FNBP1L: variants seen among roughly 807,000 people sequenced by gnomAD.
FNBP1L encodes the protein formin-binding protein 1-like.
A neutral mutation model predicts 91.2 loss-of-function variants in FNBP1L; 36 were observed. The observed-to-expected ratio is 0.39, with a 90% CI of 0.30 to 0.52. The LOEUF is 0.52. FNBP1L is among the 20% of genes least tolerant of loss of function. The probability of loss-of-function intolerance (pLI) is 0.66; values close to 1 mark genes in which losing one functional copy is unlikely to be tolerated. For missense variants in FNBP1L, 571 were observed against 732.1 expected (o/e 0.78, Z 2.54); for synonymous variants, 242 against 237.0 (o/e 1.02, Z -0.19).
At chr1:93,500,873 T>G (rs1331140378) in intron 2 of FNBP1L, among the ~76,000 whole-genome samples, 2 of 152,208 alleles carry the variant, frequency 1.3e-5, no homozygotes, top group Admixed American at 6.5e-5. Context: ...TCCTAATCCG[T>G]TTCCCTCCTG....
intron 10 of FNBP1L, among the ~76,000 whole-genome samples, chr1:93,540,174 A>C (rs1378560944): frequency 6.6e-6 from 1 of 152,062 alleles, no homozygotes; most frequent in Non-Finnish European, 1.5e-5. Context: ...AAATCCATAT[A>C]CATATCTATA....
chr1:93,482,826 T>C (rs1234272314), intron 1 of FNBP1L, among the ~76,000 whole-genome samples: 2 of 151,986 alleles, frequency 1.3e-5, no homozygotes, highest in South Asian at 2.1e-4. Flanking sequence ...GAGACCATCC[T>C]GACTAACACG....
At chr1:93,544,041 C>T (rs1312280305) in intron 11 of FNBP1L, 66 bp from the exon 12 acceptor site, 3 of 1,121,954 alleles carry the variant, frequency 2.7e-6, no homozygotes, top group African/African-American at 3.2e-5. Flanking sequence ...TATTTTATAG[C>T]AGGTATATTT....
intron 1 of FNBP1L, among the ~76,000 whole-genome samples, chr1:93,469,211 T>G (rs1669198325): frequency 6.6e-6 from 1 of 152,114 alleles, no homozygotes. Flanking sequence ...CATTAGATAT[T>G]TCTCCTAACA....
intron 1 of FNBP1L, among the ~76,000 whole-genome samples, chr1:93,451,277 CAGAT>C (rs939812184): frequency 7.9e-5 from 12 of 151,878 alleles, no homozygotes; most frequent in African/African-American, 2.4e-4. Context: ...TTTTTTTTAA[CAGAT>C]AGGGACATTA....
intron 15 of FNBP1L, among the ~76,000 whole-genome samples, chr1:93,549,796 G>A (rs951386058): frequency 6.6e-6 from 1 of 152,186 alleles, no homozygotes; most frequent in Non-Finnish European, 1.5e-5. Context: ...GCCACTTCAT[G>A]CTCTTCCTTG....
intron 6 of FNBP1L, among the ~76,000 whole-genome samples, chr1:93,530,121 CTG>C (rs1174256513): frequency 2.6e-5 from 4 of 151,962 alleles, no homozygotes; most frequent in Non-Finnish European, 4.4e-5. Context: ...AGGAACAGAA[CTG>C]TATTCTAAAT....
chr1:93,533,302 A>C (rs778742407), intron 8 of FNBP1L, among the ~76,000 whole-genome samples: 11 of 152,022 alleles, frequency 7.2e-5, no homozygotes, highest in Non-Finnish European at 1.5e-4. Context: ...TCTCCCACTA[A>C]GTTTTCAGTT....
chr1:93,511,861 G>C (rs1297366925), intron 2 of FNBP1L, among the ~76,000 whole-genome samples: 8 of 150,518 alleles, frequency 5.3e-5, no homozygotes, highest in Admixed American at 2.6e-4. Flanking sequence ...AGCTACTTGG[G>C]AGGCTGAGGC....
At chr1:93,517,789 C>T (rs1338271172) in intron 2 of FNBP1L, among the ~76,000 whole-genome samples, 1 of 151,586 alleles carries the variant, frequency 6.6e-6, no homozygotes, top group Non-Finnish European at 1.5e-5. Flanking sequence ...CCTTTCATTT[C>T]ATACTTCTTC....
chr1:93,451,720 C>G (rs1284841288), intron 1 of FNBP1L, among the ~76,000 whole-genome samples: 1 of 151,966 alleles, frequency 6.6e-6, no homozygotes, highest in Non-Finnish European at 1.5e-5. Flanking sequence ...GGTGCGATCT[C>G]GGGTCACTGC....
intron 1 of FNBP1L, among the ~76,000 whole-genome samples, chr1:93,459,756 G>A (rs1364601765): frequency 6.6e-6 from 1 of 152,180 alleles, no homozygotes; most frequent in Non-Finnish European, 1.5e-5. Context: ...GTATGGTGAA[G>A]AGATACCTGC....
At chr1:93,478,872 C>A (rs553454267) in intron 1 of FNBP1L, among the ~76,000 whole-genome samples, 1 of 152,144 alleles carries the variant, frequency 6.6e-6, no homozygotes, top group Non-Finnish European at 1.5e-5. Flanking sequence ...AAGTTTAATT[C>A]GGACTCAGGT....
At chr1:93,455,951 A>T (rs1181942054) in intron 1 of FNBP1L, among the ~76,000 whole-genome samples, 1 of 152,304 alleles carries the variant, frequency 6.6e-6, no homozygotes, top group East Asian at 1.9e-4. Flanking sequence ...TTTATACTAT[A>T]GGGGGATGCC....
intron 1 of FNBP1L, among the ~76,000 whole-genome samples, chr1:93,450,093 T>C (rs1668437983): frequency 6.6e-6 from 1 of 152,162 alleles, no homozygotes; most frequent in Non-Finnish European, 1.5e-5. Flanking sequence ...TTTTAAAAAA[T>C]TCACTTTGTA....
rs756193665 is a variant in FNBP1L at position 93,532,940 on chromosome 1, G to C, written c.658G>C (p.Glu220Gln). 1.9e-6 allele frequency: 3 copies of C among 1,599,900 alleles called. No individual in the cohort carries two copies. Among genetic ancestry groups the C allele is most frequent in the Non-Finnish European group, 2.6e-6 (3 of 1,172,574 alleles). ...TTATTAGCAACTACAAGAAATGGAC[G>C]AACGAAGGACTATTAAACTCAGTGA... Reference protein sequence around the residue: ...QIYKQLQEMDERRTIKLSECY... With the variant: ...QIYKQLQEMDQRRTIKLSECY... The change falls in exon 8 of 17, where the codon GAA becomes CAA. Residue 220 changes from glutamate to glutamine, a missense_variant. Transcript: ENST00000271234.
intron 7 of FNBP1L, 136 bp downstream of exon 7, chr1:93,531,019 T>C: frequency 1.4e-6 from 1 of 695,252 alleles, no homozygotes; most frequent in Middle Eastern, 4.4e-4. Context: ...TTTATGATTA[T>C]AGATTTGAAA....
intron 12 of FNBP1L, among the ~76,000 whole-genome samples, chr1:93,546,521 A>T (rs1672243080): frequency 6.6e-6 from 1 of 152,022 alleles, no homozygotes; most frequent in Admixed American, 6.6e-5. Flanking sequence ...GGACATGATG[A>T]GCTGAAGAAT....
intron 2 of FNBP1L, among the ~76,000 whole-genome samples, chr1:93,504,732 G>A (rs1236534020): frequency 6.6e-6 from 1 of 152,110 alleles, no homozygotes; most frequent in Non-Finnish European, 1.5e-5. Flanking sequence ...GACCATTTGT[G>A]TATCTTTGGA....
Sources: allele counts gnomAD v4.1 joint callset (sites outside exome capture counted in the v4.1 genomes callset), GRCh38; gene constraint gnomAD v4.1.1; transcripts MANE v1.5; gene names NCBI Gene and HGNC (gene_info 2026-07-23, HGNC 2026-07-21).